SF3B3: variants seen among roughly 807,000 people sequenced by gnomAD.
The protein encoded by SF3B3 is splicing factor 3b subunit 3.
A neutral mutation model predicts 139.2 loss-of-function variants in SF3B3; 33 were observed. The observed-to-expected ratio is 0.24, with a 90% CI of 0.18 to 0.32. The LOEUF is 0.32. Ranked by LOEUF, SF3B3 falls within the 10% of genes least tolerant of loss-of-function variation. The pLI is 1.00. For synonymous variants in SF3B3, 596 were observed against 563.6 expected, an observed-to-expected ratio of 1.06 and a Z score of -0.81; for missense variants, 818 against 1,509.4, an observed-to-expected ratio of 0.54 and a Z score of 7.59.
intron 16 of SF3B3, 96 bp from the exon 17 acceptor site, chr16:70,561,534 A>T: frequency 2.0e-6 from 2 of 1,007,974 alleles, no homozygotes; most frequent in Non-Finnish European, 3.0e-6. Context: ...GATACTCTGC[A>T]GACTGAAATT....
At chr16:70,535,098 T>C (rs533005223) in intron 5 of SF3B3, among the ~76,000 whole-genome samples, 57 of 152,308 alleles carry the variant, frequency 3.7e-4, no homozygotes, top group Admixed American at 2.1e-3. Context: ...TTGGATACGT[T>C]ATCCAGGCTG....
Position 70,565,142 on chromosome 16 carries a change from C to T in SF3B3, c.2541C>T (p.Leu847=). The part of the protein sequence containing the change: ...EMAAAFLNEN[L]PESIFGAPKA... ...CAGCAGCATTCCTCAATGAAAACCT[C>T]CCTGAATCCATCTTTGGAGCTCCCA... The change falls in exon 19 of 26, where the codon CTC becomes CTT. Residue 847 remains leucine (L), a synonymous_variant. Coordinates refer to ENST00000302516, the MANE Select transcript of SF3B3 (RefSeq NM_012426.5). The T allele has an allele frequency of 1.2e-6, 2 of 1,614,180 alleles. No homozygotes were observed. Among genetic ancestry groups the T allele is most frequent in the Non-Finnish European group, 1.7e-6 (2 of 1,180,036 alleles).
intron 8 of SF3B3, 140 bp from the exon 9 acceptor site, chr16:70,541,529 C>T (rs533134193): frequency 1.7e-5 from 11 of 634,720 alleles, no homozygotes; most frequent in South Asian, 2.6e-5. Flanking sequence ...TCCTAGCTGT[C>T]GTACTTAGTG....
At chr16:70,547,642 G>A (rs951359926) in intron 10 of SF3B3, among the ~76,000 whole-genome samples, 1 of 152,166 alleles carries the variant, frequency 6.6e-6, no homozygotes, top group Non-Finnish European at 1.5e-5. Context: ...CACCCAGGCT[G>A]GAGTGCAATG....
intron 2 of SF3B3, 110 bp downstream of exon 2, chr16:70,526,836 A>G (rs2050069249): frequency 1.4e-6 from 1 of 740,546 alleles, no homozygotes; most frequent in South Asian, 1.7e-5. Flanking sequence ...GTTGTTGGTA[A>G]ATGTAAACAA....
At chr16:70,525,314 A>G (rs920127297) in intron 1 of SF3B3, among the ~76,000 whole-genome samples, 1 of 152,166 alleles carries the variant, frequency 6.6e-6, no homozygotes, top group African/African-American at 2.4e-5. Flanking sequence ...GGCGTGAGCC[A>G]CCACTGCGCC....
chr16:70,530,369 G>C (rs2050110002), intron 3 of SF3B3, among the ~76,000 whole-genome samples: 3 of 150,028 alleles, frequency 2.0e-5, no homozygotes, highest in Admixed American at 6.6e-5. Context: ...GCCCAGGCTG[G>C]AGTGCAGTGG....
At chr16:70,570,631 A>G (rs115263528) in intron 24 of SF3B3, among the ~76,000 whole-genome samples, 4,831 of 152,178 alleles carry the variant, frequency 0.032, 285 homozygotes, top group African/African-American at 0.11. Context: ...GCGCCCGGCC[A>G]GGCCGTTTGT....
intron 13 of SF3B3, among the ~76,000 whole-genome samples, chr16:70,555,492 A>G (rs2050371637): frequency 6.6e-6 from 1 of 151,522 alleles, no homozygotes. Flanking sequence ...AAAAAAAAAA[A>G]AAAAAAAAGC....
chr16:70,567,667 C>T (rs1358425407), intron 21 of SF3B3, 131 bp downstream of exon 21: 4 of 1,114,984 alleles, frequency 3.6e-6, no homozygotes, highest in Non-Finnish European at 5.0e-6. Flanking sequence ...ATTCCAGCTT[C>T]AGAATTATGC....
rs1457851219 is a variant in SF3B3 at position 70,574,653 on chromosome 16, T to G, written c.*2840T>G. On this transcript the variant is annotated 3_prime_UTR_variant, in exon 26 of 26. Coordinates refer to ENST00000302516, the MANE Select transcript of SF3B3 (RefSeq NM_012426.5). ...GGAACTACAGGCATGTGCCATCACG[T>G]CCAGCTAATTTTTGTATTTTTAGTA... The G allele has an allele frequency of 6.6e-6, 1 of 152,210 alleles. No individual in the cohort carries two copies. Among genetic ancestry groups the G allele is most frequent in the Non-Finnish European group, 1.5e-5 (1 of 68,046 alleles). 9.4% of individuals were successfully genotyped at this position (152,210 alleles called of 1,614,324 possible).
intron 17 of SF3B3, among the ~76,000 whole-genome samples, chr16:70,563,090 C>T (rs1435935740): frequency 2.0e-5 from 3 of 152,058 alleles, no homozygotes. Flanking sequence ...ACCTCAGCCT[C>T]CCAAGTAGCT....
intron 8 of SF3B3, 117 bp downstream of exon 8, chr16:70,539,324 A>C (rs2050197026): frequency 1.4e-6 from 1 of 737,114 alleles, no homozygotes; most frequent in Admixed American, 2.0e-5. Context: ...GAGGTGGGTG[A>C]ATCACCTGAG....
At chr16:70,526,183 T>C (rs1291194271) in intron 1 of SF3B3, among the ~76,000 whole-genome samples, 1 of 151,914 alleles carries the variant, frequency 6.6e-6, no homozygotes, top group African/African-American at 2.4e-5. Flanking sequence ...TGACCTTGGA[T>C]TTCTCAAGGT....
chr16:70,571,153 G>A lies in SF3B3; in HGVS notation c.3467G>A (p.Cys1156Tyr). The change falls in exon 25 of 26, where the codon TGT becomes TAT. Residue 1156 changes from cysteine to tyrosine, a missense_variant. Around this residue, in one of 14 missense-constraint regions of SF3B3, gnomAD observed 44 missense variants for 40.4 expected, o/e 1.09. Coordinates refer to ENST00000302516, the MANE Select transcript of SF3B3 (RefSeq NM_012426.5). Reference sequence around the variant, plus strand: ...CTGCGGTCTGAACATCCCCCTCTCTGTGGGCGGGACCACCTCAGCTTTCGC... The same window carrying A: ...CTGCGGTCTGAACATCCCCCTCTCTATGGGCGGGACCACCTCAGCTTTCGC... ...MHLRSEHPPLCGRDHLSFRSY... is the reference protein window; with the variant it reads ...MHLRSEHPPLYGRDHLSFRSY... The A allele has an allele frequency of 1.2e-6, 2 of 1,614,126 alleles. No homozygotes were observed. The highest frequency in any genetic ancestry group is 1.7e-6 in the Non-Finnish European group (2 of 1,179,996).
intron 1 of SF3B3, among the ~76,000 whole-genome samples, chr16:70,525,990 A>G (rs559593283): frequency 1.3e-5 from 2 of 151,328 alleles, no homozygotes; most frequent in African/African-American, 2.4e-5. Context: ...AGGAAAAAAA[A>G]AAGATATACC....
At position 70,529,147 on chromosome 16, in the gene SF3B3, C is replaced by T. The variant is rs773652279; in HGVS notation, c.345C>T (p.Ile115=). ...ETFGKSGCRR[I]VPGQFLAVDP... is the part of the protein sequence containing the mutation. ...TTGGCAAGAGTGGATGCCGTCGCAT[C>T]GTTCCTGGCCAGTTCTTAGCTGTGG... Residue 115 remains isoleucine (I), a synonymous_variant, in exon 3 of 26, where the codon ATC becomes ATT. Coordinates refer to ENST00000302516, the MANE Select transcript of SF3B3 (RefSeq NM_012426.5). The T allele has an allele frequency of 1.5e-5, 25 of 1,613,976 alleles. No homozygotes were observed. The highest frequency in any genetic ancestry group is 1.2e-4 in the Admixed American group (7 of 59,986).
At chr16:70,538,217 C>T in intron 6 of SF3B3, 106 bp from the exon 7 acceptor site, 1 of 1,009,366 alleles carries the variant, frequency 9.9e-7, no homozygotes, top group South Asian at 1.4e-5. Context: ...AAGCTTGTGC[C>T]TTTAGGCCTT....
At position 70,565,194 on chromosome 16, in the gene SF3B3, G is replaced by C; in HGVS notation, c.2593G>C (p.Val865Leu). 1 of 1,614,202 alleles carries C rather than the reference G, an allele frequency of 6.2e-7. No homozygotes were observed. Among genetic ancestry groups the C allele is most frequent in the Non-Finnish European group, 8.5e-7 (1 of 1,180,046 alleles). ...PKAGNGQWASVIRVMNPIQGN... is the reference protein window; with the variant it reads ...PKAGNGQWASLIRVMNPIQGN... ...GGCTGGCAATGGGCAGTGGGCCTCTGTGATCCGAGTGATGAATCCCATTCA... is the reference window on the plus strand; with the variant it reads ...GGCTGGCAATGGGCAGTGGGCCTCTCTGATCCGAGTGATGAATCCCATTCA... The change falls in exon 19 of 26, where the codon GTG (valine) becomes CTG (leucine). Residue 865 changes from valine (V) to leucine (L), a missense_variant. By Grantham distance (32) the Val-to-Leu change is conservative (BLOSUM62 1). Around this residue, in one of 14 missense-constraint regions of SF3B3, gnomAD observed 145 missense variants for 153.6 expected, o/e 0.94. Coordinates refer to ENST00000302516, the MANE Select transcript of SF3B3 (RefSeq NM_012426.5).
Sources: allele counts gnomAD v4.1 joint callset (sites outside exome capture counted in the v4.1 genomes callset), GRCh38; gene constraint gnomAD v4.1.1; regional missense constraint gnomAD v4.1.1; transcripts MANE v1.5; gene names NCBI Gene and HGNC (gene_info 2026-07-23, HGNC 2026-07-21).